SUCLG2: variants seen among roughly 807,000 people sequenced by gnomAD.
SUCLG2 encodes the protein succinate--CoA ligase [GDP-forming] subunit beta, mitochondrial.
Under a neutral mutation model 47.9 loss-of-function variants are expected in SUCLG2, and 42 were observed. The observed-to-expected ratio is 0.88, with a 90% CI of 0.69 to 1.14. The LOEUF is 1.14. Ranked by LOEUF, SUCLG2 falls within the 50% of genes most tolerant of loss-of-function variation. SUCLG2 has a pLI of 0.00. For synonymous variants in SUCLG2, 195 were observed against 197.3 expected, an observed-to-expected ratio of 0.99 and a Z score of 0.10; for missense variants, 571 against 525.9, an observed-to-expected ratio of 1.09 and a Z score of -0.84.
intron 2 of SUCLG2, among the ~76,000 whole-genome samples, chr3:67,607,794 C>T (rs560621902): frequency 6.6e-5 from 10 of 152,280 alleles, no homozygotes; most frequent in African/African-American, 1.4e-4. Flanking sequence ...GTAAGCCTCA[C>T]GAGATCTAAT....
At position 67,389,055 on chromosome 3, in the gene SUCLG2, T is replaced by C. The variant is rs747838400; in HGVS notation, c.1183+11676A>G. ...AGAGAGTAATGGCTTTGCAGCAATA[T>C]GTTACGGCTAAAAGAACAGAGTGGG... On this transcript the variant is annotated intron_variant, in intron 10 of 10. Transcript: ENST00000307227. 3.2e-4 allele frequency among the ~76,000 whole-genome samples: 48 copies of C among 152,154 alleles called. 1 individual carries two copies. The highest frequency in any genetic ancestry group is 2.1e-4 in the South Asian group (1 of 4,806).
At chr3:67,422,148 T>G (rs1346245728) in intron 9 of SUCLG2, among the ~76,000 whole-genome samples, 2 of 151,972 alleles carry the variant, frequency 1.3e-5, no homozygotes, top group Non-Finnish European at 2.9e-5. Flanking sequence ...ATAGCTCTGA[T>G]GAGCAATAAA....
intron 9 of SUCLG2, among the ~76,000 whole-genome samples, chr3:67,488,232 C>T (rs1322375467): frequency 6.6e-6 from 1 of 151,748 alleles, no homozygotes; most frequent in Admixed American, 6.6e-5. Context: ...TATAAAATAA[C>T]CTAAAATAAG....
chr3:67,431,146 A>C (rs1703469369), intron 9 of SUCLG2, among the ~76,000 whole-genome samples: 2 of 142,028 alleles, frequency 1.4e-5, no homozygotes, highest in Non-Finnish European at 3.1e-5. Context: ...GAGACACAAC[A>C]AAAAAAAAGA....
At chr3:67,531,605 CCAGAGAT>C (rs1706406095) in intron 2 of SUCLG2, among the ~76,000 whole-genome samples, 1 of 152,122 alleles carries the variant, frequency 6.6e-6, no homozygotes, top group South Asian at 2.1e-4. Flanking sequence ...GACTATGAAA[CCAGAGAT>C]CAGGACAAAT....
At chr3:67,485,373 T>C (rs1480187485) in intron 9 of SUCLG2, among the ~76,000 whole-genome samples, 2 of 152,240 alleles carry the variant, frequency 1.3e-5, no homozygotes. Context: ...AAGCTCTTCA[T>C]ACTTGTTACT....
chr3:67,368,182 A>C (rs1216642586), intron 10 of SUCLG2, among the ~76,000 whole-genome samples: 2 of 152,196 alleles, frequency 1.3e-5, no homozygotes, highest in African/African-American at 4.8e-5. Context: ...TGGTATCAAA[A>C]ATGGCTGAGA....
intron 9 of SUCLG2, among the ~76,000 whole-genome samples, chr3:67,482,715 A>C (rs1202250000): frequency 6.6e-6 from 1 of 152,186 alleles, no homozygotes; most frequent in Non-Finnish European, 1.5e-5. Flanking sequence ...CCAAATGCCA[A>C]GACTCTTGGA....
chr3:67,464,470 G>A (rs534305077), intron 9 of SUCLG2, among the ~76,000 whole-genome samples: 35 of 152,154 alleles, frequency 2.3e-4, no homozygotes, highest in Non-Finnish European at 4.7e-4. Context: ...CTGTGCTGCT[G>A]AAAACTCAAT....
Position 67,528,188 on chromosome 3 carries a change from T to C in SUCLG2, c.361A>G (p.Ile121Val), listed in dbSNP as rs771130205. 1 of 1,613,786 alleles carries C rather than the reference T, an allele frequency of 6.2e-7. No homozygotes were observed. Among genetic ancestry groups the C allele is most frequent in the African/African-American group, 1.3e-5 (1 of 74,896 alleles). ...NVVGQLAKQM[I>V]GYNLATKQTP... ...TGTTTTGTCGCTAGATTGTACCCAA[T>C]CATCTGTTTAGCCAGCTGTCCCACA... The change falls in exon 4 of 11, where the codon ATT becomes GTT. Residue 121 changes from isoleucine (I) to valine (V), a missense_variant. Physicochemically the swap from Ile to Val is conservative, Grantham distance 29 (BLOSUM62 3). Coordinates refer to ENST00000307227, the MANE Select transcript of SUCLG2 (RefSeq NM_003848.4).
chr3:67,637,313 C>T (rs1701027052), intron 1 of SUCLG2, among the ~76,000 whole-genome samples: 1 of 152,144 alleles, frequency 6.6e-6, no homozygotes, highest in African/African-American at 2.4e-5. Flanking sequence ...AGGAATATGA[C>T]TCCTTTTGAA....
At chr3:67,371,019 GA>G (rs1208930902), downstream of SUCLG2, among the ~76,000 whole-genome samples, 2 of 151,814 alleles carry the variant, frequency 1.3e-5, no homozygotes, top group Non-Finnish European at 2.9e-5. Flanking sequence ...AAAGGTAATT[GA>G]AAAAAAACTC....
At chr3:67,386,327 AC>A (rs922732526) in intron 10 of SUCLG2, among the ~76,000 whole-genome samples, 1 of 150,864 alleles carries the variant, frequency 6.6e-6, no homozygotes, top group African/African-American at 2.4e-5. Flanking sequence ...TCGATCTCCG[AC>A]CTCATTATCC....
chr3:67,447,221 A>G (rs1484658689), intron 9 of SUCLG2, among the ~76,000 whole-genome samples: 2 of 152,252 alleles, frequency 1.3e-5, no homozygotes, highest in Non-Finnish European at 2.9e-5. Context: ...TCTCAACTGT[A>G]ATAATACTAG....
chr3:67,584,185 T>C (rs1425373586), intron 2 of SUCLG2, among the ~76,000 whole-genome samples: 1 of 152,216 alleles, frequency 6.6e-6, no homozygotes, highest in African/African-American at 2.4e-5. Flanking sequence ...CAAAATGTGC[T>C]GTATCTATAC....
chr3:67,448,008 C>A (rs1703967107), intron 9 of SUCLG2, among the ~76,000 whole-genome samples: 1 of 152,188 alleles, frequency 6.6e-6, no homozygotes, highest in African/African-American at 2.4e-5. Context: ...GGATTACAAG[C>A]ATGACCCACC....
chr3:67,501,710 G>A (rs1705498588), intron 7 of SUCLG2, among the ~76,000 whole-genome samples: 1 of 151,978 alleles, frequency 6.6e-6, no homozygotes, highest in Non-Finnish European at 1.5e-5. Flanking sequence ...TCATCCCTAT[G>A]TAATAAAGCC....
rs1700713597 is a variant in SUCLG2, at chr3:67,620,444, GC to G, written c.85-10849del. On this transcript the variant is annotated intron_variant, in intron 1 of 10. Coordinates refer to ENST00000307227, the MANE Select transcript of SUCLG2 (RefSeq NM_003848.4). ...TACTAAAAATACAAAAATTAGCTGG[GC>G]GTGGTGGCACGCACCTTTAATCCCA... Among the ~76,000 whole-genome samples the G allele has an allele frequency of 9.2e-5, 14 of 152,094 alleles. No individual in the cohort carries two copies. The South Asian group carries it at 2.3e-3, about 25-fold the overall frequency.
chr3:67,495,958 G>C lies in SUCLG2; in HGVS notation c.920-18C>G. On this transcript the variant is annotated intron_variant, in intron 8 of 10. Coordinates refer to ENST00000307227, the MANE Select transcript of SUCLG2 (RefSeq NM_003848.4). ...ACCATTCACTGTGAAATGCAAATGG[G>C]ACACAAGACAGGCTACATTTAGCAA... The C allele has an allele frequency of 6.2e-7, 1 of 1,613,590 alleles. No homozygotes were observed.
Sources: gnomAD v4.1 joint callset for allele counts (sites outside exome capture counted in the v4.1 genomes callset) on GRCh38, gnomAD v4.1.1 for gene constraint, MANE v1.5 for transcripts, NCBI Gene and HGNC (gene_info 2026-07-23, HGNC 2026-07-21) for gene names.